Variants in GANC observed in about 807,000 individuals in gnomAD.
GANC encodes neutral alpha-glucosidase C.
In GANC, 117 loss-of-function variants were observed where a neutral mutation model predicts 124.2. The ratio of observed to expected loss-of-function variants is 0.94; its 90% CI spans 0.81 to 1.10. The LOEUF is 1.10. Among genes scored for constraint, GANC ranks in the 50% least tolerant of loss-of-function variants. The pLI is 0.00. For missense variants in GANC, 1,140 were observed against 1,095.0 expected, an observed-to-expected ratio of 1.04 and a Z score of -0.58; for synonymous variants, 377 against 376.8, an observed-to-expected ratio of 1.00 and a Z score of -0.01.
intron 6 of GANC, among the ~76,000 whole-genome samples, chr15:42,299,396 C>T (rs970056213): frequency 1.3e-5 from 2 of 152,082 alleles, no homozygotes; most frequent in African/African-American, 4.8e-5. Context: ...ACCGGCCTTG[C>T]CCCAGAGATG....
intron 23 of GANC, 123 bp from the exon 24 acceptor site, chr15:42,351,907 A>G (rs3743008): frequency 0.07 from 84,377 of 1,212,154 alleles, 4,159 homozygotes; most frequent in Admixed American, 0.22. Flanking sequence ...TAAAAGTGCT[A>G]TTAATTTGGA....
chr15:42,322,295 A>AT (rs1405035819), intron 11 of GANC, among the ~76,000 whole-genome samples: 2 of 152,150 alleles, frequency 1.3e-5, no homozygotes, highest in African/African-American at 4.8e-5. Flanking sequence ...TAGTAATGTG[A>AT]TCCCCCCACT....
intron 4 of GANC, among the ~76,000 whole-genome samples, chr15:42,291,581 C>CT (rs2051842576): frequency 6.6e-6 from 1 of 152,104 alleles, no homozygotes; most frequent in African/African-American, 2.4e-5. Context: ...GAACATCTTC[C>CT]TTTTGTGGGC....
In GANC at chr15:42,303,162, A is replaced by G. The variant is rs1317619890; in HGVS notation, c.559-3384A>G. Among the ~76,000 whole-genome samples, 4 of 152,368 alleles carry G rather than the reference A, an allele frequency of 2.6e-5. No individual in the cohort carries two copies. In the East Asian group the frequency reaches 7.7e-4, roughly 29 times the overall value. On this transcript the variant is annotated intron_variant, in intron 6 of 23. Coordinates refer to ENST00000318010, the MANE Select transcript of GANC (RefSeq NM_198141.3). ...TCAGACTAACACCGGATCTCTCTGC[A>G]GAAGCCCTACAAGCCAGAAGAGAGT...
intron 22 of GANC, 91 bp downstream of exon 22, chr15:42,349,586 G>A: frequency 1.3e-6 from 1 of 767,090 alleles, no homozygotes; most frequent in South Asian, 1.6e-5. Context: ...TATGTTTTAA[G>A]TTACTATTTA....
At chr15:42,335,591 A>G (rs181393383) in intron 15 of GANC, among the ~76,000 whole-genome samples, 151 of 152,290 alleles carry the variant, frequency 9.9e-4, no homozygotes, top group African/African-American at 3.4e-3. Flanking sequence ...CTCCTATTCA[A>G]AATGATATTG....
At chr15:42,313,864 C>T in intron 10 of GANC, 1 of 564,834 alleles carries the variant, frequency 1.8e-6, no homozygotes, top group Non-Finnish European at 3.1e-6. Flanking sequence ...TCAAGTAATC[C>T]TCTGCCTTGC....
chr15:42,273,859 G>A lies in GANC; in HGVS notation c.-623G>A. 1 of 196,994 alleles carries A rather than the reference G, an allele frequency of 5.1e-6. No homozygotes were observed. The highest frequency in any genetic ancestry group is 8.4e-5 in the South Asian group (1 of 11,912). The allele number at this position is 196,994 out of a possible 1,614,324, so 12.2% of individuals were successfully genotyped here. On this transcript the variant is annotated 5_prime_UTR_variant, in exon 1 of 24. Coordinates refer to ENST00000318010, the MANE Select transcript of GANC (RefSeq NM_198141.3). ...GTTCTCCGGTTTGGGTGGTATTTAA[G>A]CAAAGGCTGGAATTCGGCGGTGGTG... is the stretch of plus-strand genomic sequence containing the variant.
At chr15:42,335,864 A>G (rs910745463) in intron 15 of GANC, among the ~76,000 whole-genome samples, 2 of 152,220 alleles carry the variant, frequency 1.3e-5, no homozygotes, top group African/African-American at 4.8e-5. Context: ...AGTCCCATTC[A>G]CAATTGCCTC....
intron 2 of GANC, among the ~76,000 whole-genome samples, chr15:42,277,603 T>G (rs2051684508): frequency 6.6e-6 from 1 of 151,912 alleles, no homozygotes; most frequent in Non-Finnish European, 1.5e-5. Flanking sequence ...TTTATTTTAT[T>G]TTTATGCATT....
At chr15:42,342,607 AAAAG>A (rs1360872184) in intron 18 of GANC, among the ~76,000 whole-genome samples, 3 of 151,150 alleles carry the variant, frequency 2.0e-5, no homozygotes, top group Non-Finnish European at 4.4e-5. Flanking sequence ...AAAAAAAAGA[AAAAG>A]AAAACTGCAG....
chr15:42,327,605 G>A, intron 13 of GANC, 163 bp downstream of exon 13: 1 of 583,228 alleles, frequency 1.7e-6, no homozygotes, highest in South Asian at 2.3e-5. Flanking sequence ...TGGGGGTGCT[G>A]GGAGAGGTGC....
At chr15:42,326,219 A>G in intron 11 of GANC, 79 bp from the exon 12 acceptor site, 1 of 1,043,564 alleles carries the variant, frequency 9.6e-7, no homozygotes, top group Admixed American at 2.1e-5. Flanking sequence ...TTGAACCCCC[A>G]AACTATGGCG....
chr15:42,317,728 G>C (rs2052120675), intron 10 of GANC, among the ~76,000 whole-genome samples: 1 of 152,166 alleles, frequency 6.6e-6, no homozygotes, highest in South Asian at 2.1e-4. Flanking sequence ...GCTAAGTCTA[G>C]CCCATGTTCA....
At chr15:42,285,290 A>G (rs1458738051) in intron 3 of GANC, among the ~76,000 whole-genome samples, 1 of 152,224 alleles carries the variant, frequency 6.6e-6, no homozygotes, top group African/African-American at 2.4e-5. Flanking sequence ...CTTAGGACTC[A>G]GTACAGGGAA....
Position 42,278,509 on chromosome 15 carries a change from G to A in GANC, c.120G>A (p.Lys40=). 6.2e-7 allele frequency: 1 copy of A among 1,611,312 alleles called. No homozygotes were observed. Among genetic ancestry groups the A allele is most frequent in the Non-Finnish European group, 8.5e-7 (1 of 1,178,678 alleles). The change falls in exon 3 of 24, where the codon AAG becomes AAA. Residue 40 remains lysine, a synonymous_variant. Coordinates refer to ENST00000318010, the MANE Select transcript of GANC (RefSeq NM_198141.3). ...GTCAGAAACAGTGGCTTTCCAAGAA[G>A]TCCACCTATCAGGCATTATTGGATT... is the stretch of plus-strand genomic sequence containing the variant. ...YRRQKQWLSK[K]STYQALLDSV...
Position 42,353,177 on chromosome 15 carries a change from C to A in GANC, c.*1038C>A. 2 of 985,950 alleles carry A rather than the reference C, an allele frequency of 2.0e-6. No individual in the cohort carries two copies. The highest frequency in any genetic ancestry group is 2.4e-6 in the Non-Finnish European group (2 of 830,052). The allele number at this position is 985,950 out of a possible 1,614,324, so 61.1% of individuals were successfully genotyped here. A position where few individuals can be genotyped will look rare whatever the true frequency, so the allele number is the denominator to read the frequency against. On this transcript the variant is annotated 3_prime_UTR_variant, in exon 24 of 24. Coordinates refer to ENST00000318010, the MANE Select transcript of GANC (RefSeq NM_198141.3). ...TCATGGTGCCCAAGGCTCCACAGAC[C>A]TCAGTGGCTCCCTGCTGCCTGCCAC...
chr15:42,331,019 G>A (rs1020297553), intron 15 of GANC, among the ~76,000 whole-genome samples: 5 of 151,814 alleles, frequency 3.3e-5, no homozygotes, highest in Non-Finnish European at 7.4e-5. Flanking sequence ...GGCTAGTCTC[G>A]AACTCCTGGA....
chr15:42,284,215 C>T (rs1260490025), intron 3 of GANC: 2 of 580,952 alleles, frequency 3.4e-6, no homozygotes, highest in Admixed American at 3.1e-5. Flanking sequence ...AATATGTGTT[C>T]TAGGGCTGTT....
Sources: gnomAD v4.1 joint callset for allele counts (sites outside exome capture counted in the v4.1 genomes callset) on GRCh38, gnomAD v4.1.1 for gene constraint, MANE v1.5 for transcripts, NCBI Gene and HGNC (gene_info 2026-07-23, HGNC 2026-07-21) for gene names.